Variants in DCDC1 observed in about 807,000 individuals in gnomAD.
DCDC1 encodes the protein doublecortin domain containing 1.
DCDC1 carries 200 observed loss-of-function variants against 178.3 expected under a neutral mutation model. The observed-to-expected ratio is 1.12, with a 90% CI of 1.00 to 1.26. DCDC1 has a LOEUF of 1.26. Among genes scored for constraint, DCDC1 ranks in the 50% most tolerant of loss-of-function variants. The pLI is 0.00. For synonymous variants in DCDC1, 690 were observed against 604.8 expected (o/e 1.14, Z -2.07); for missense variants, 1,983 against 1,749.2 (o/e 1.13, Z -2.38).
chr11:30,894,575 C>T (rs889928768), intron 34 of DCDC1, among the ~76,000 whole-genome samples, 191 bp from the exon 35 acceptor site: 1 of 152,124 alleles, frequency 6.6e-6, no homozygotes, highest in Non-Finnish European at 1.5e-5. Context: ...GAGCTTCAGG[C>T]TTTAAATAGC....
intron 21 of DCDC1, among the ~76,000 whole-genome samples, chr11:30,942,959 A>G (rs1211377722): frequency 1.3e-5 from 2 of 152,222 alleles, no homozygotes; most frequent in Non-Finnish European, 2.9e-5. Context: ...TCTGTCCTTC[A>G]TAGACATAGA....
intron 38 of DCDC1, among the ~76,000 whole-genome samples, chr11:30,866,146 A>T (rs1373762406): frequency 6.6e-6 from 1 of 152,234 alleles, no homozygotes; most frequent in Admixed American, 6.5e-5. Flanking sequence ...ATGTCACATA[A>T]ATATGAAGGC....
intron 1 of DCDC1, among the ~76,000 whole-genome samples, chr11:31,349,279 C>CA (rs1466877800): frequency 6.6e-6 from 1 of 152,120 alleles, no homozygotes; most frequent in Non-Finnish European, 1.5e-5. Context: ...TTATGATGAA[C>CA]AAATCAATTT....
At chr11:30,925,248 A>G in intron 23 of DCDC1, 61 bp downstream of exon 23, 1 of 1,390,576 alleles carries the variant, frequency 7.2e-7, no homozygotes, top group Non-Finnish European at 1.0e-6. Context: ...ATTTAAGGGG[A>G]TTCTTTCTTG....
intron 7 of DCDC1, among the ~76,000 whole-genome samples, chr11:31,280,297 C>A (rs1946329841): frequency 6.6e-6 from 1 of 152,122 alleles, no homozygotes; most frequent in African/African-American, 2.4e-5. Context: ...GAAGGAATTT[C>A]CCCAGTATTT....
intron 32 of DCDC1, among the ~76,000 whole-genome samples, chr11:30,901,118 G>C (rs1292487417): frequency 6.6e-6 from 1 of 152,086 alleles, no homozygotes; most frequent in Non-Finnish European, 1.5e-5. Flanking sequence ...AGCTTCATAT[G>C]GCCCACATAT....
At chr11:31,293,843 C>T (rs1282665490) in intron 6 of DCDC1, among the ~76,000 whole-genome samples, 1 of 152,160 alleles carries the variant, frequency 6.6e-6, no homozygotes, top group African/African-American at 2.4e-5. Flanking sequence ...AGCTGTGCTC[C>T]TAATCACTGC....
At chr11:30,937,820 A>G (rs1030085082) in intron 21 of DCDC1, among the ~76,000 whole-genome samples, 7 of 152,046 alleles carry the variant, frequency 4.6e-5, no homozygotes, top group African/African-American at 1.7e-4. Context: ...ACAGCCTCTC[A>G]GGAAAACAAC....
chr11:31,307,534 G>A (rs1037565153), intron 4 of DCDC1, 105 bp downstream of exon 4: 1 of 1,437,224 alleles, frequency 7.0e-7, no homozygotes, highest in Non-Finnish European at 9.4e-7. Flanking sequence ...CGAGAGATGT[G>A]TTACATTTTA....
chr11:31,221,687 A>G (rs1193387365), intron 9 of DCDC1, among the ~76,000 whole-genome samples: 5 of 152,160 alleles, frequency 3.3e-5, no homozygotes, highest in Non-Finnish European at 7.3e-5. Context: ...CTGCTGAGAT[A>G]GCTAATTAAG....
At chr11:31,210,498 G>T (rs1270720130) in intron 9 of DCDC1, among the ~76,000 whole-genome samples, 1 of 151,986 alleles carries the variant, frequency 6.6e-6, no homozygotes, top group Non-Finnish European at 1.5e-5. Context: ...GGATCATGAG[G>T]TCAGGAGTTC....
At chr11:31,050,235 C>T (rs917732853) in intron 20 of DCDC1, among the ~76,000 whole-genome samples, 2 of 152,084 alleles carry the variant, frequency 1.3e-5, no homozygotes, top group Non-Finnish European at 1.5e-5. Context: ...GCCCGCTTTC[C>T]TCCACTTCCC....
intron 10 of DCDC1, among the ~76,000 whole-genome samples, chr11:31,134,216 A>C (rs1962828318): frequency 6.6e-6 from 1 of 152,248 alleles, no homozygotes; most frequent in Non-Finnish European, 1.5e-5. Flanking sequence ...CAATGGGGTT[A>C]TGTTGATAGC....
intron 20 of DCDC1, among the ~76,000 whole-genome samples, chr11:31,007,854 G>C (rs775411739): frequency 2.6e-5 from 4 of 152,056 alleles, no homozygotes; most frequent in Non-Finnish European, 5.9e-5. Flanking sequence ...GTAGAGACAG[G>C]GTTTCAACAT....
At chr11:31,149,882 G>A (rs1964971794) in intron 9 of DCDC1, among the ~76,000 whole-genome samples, 1 of 152,104 alleles carries the variant, frequency 6.6e-6, no homozygotes, top group South Asian at 2.1e-4. Context: ...TTGCCGCAAG[G>A]GTCCTCAGCT....
intron 21 of DCDC1, among the ~76,000 whole-genome samples, chr11:30,948,148 C>T (rs1948172191): frequency 6.6e-6 from 1 of 152,142 alleles, no homozygotes; most frequent in Non-Finnish European, 1.5e-5. Flanking sequence ...TAAGCAACTT[C>T]TGCAAAGTCT....
At chr11:31,230,987 T>C (rs1469782263) in intron 9 of DCDC1, among the ~76,000 whole-genome samples, 1 of 151,984 alleles carries the variant, frequency 6.6e-6, no homozygotes, top group Non-Finnish European at 1.5e-5. Flanking sequence ...TGAGACAGGG[T>C]CTTGCTCTGT....
chr11:30,916,526 G>A (rs949423498), intron 26 of DCDC1, among the ~76,000 whole-genome samples: 1 of 151,810 alleles, frequency 6.6e-6, no homozygotes, highest in African/African-American at 2.4e-5. Context: ...AAAACATTAG[G>A]GCATCTTAAA....
chr11:31,265,771 T>C (rs1192313331), intron 7 of DCDC1, among the ~76,000 whole-genome samples, 171 bp from the exon 8 acceptor site: 1 of 150,892 alleles, frequency 6.6e-6, no homozygotes, highest in Admixed American at 6.6e-5. Flanking sequence ...AATTGCTACA[T>C]TGTACTTGCA....
Sources: allele counts gnomAD v4.1 joint callset (sites outside exome capture counted in the v4.1 genomes callset), GRCh38; gene constraint gnomAD v4.1.1; transcripts MANE v1.5; gene names NCBI Gene and HGNC (gene_info 2026-07-23, HGNC 2026-07-21).